The following SLC4A8 variants were observed in gnomAD, a reference collection of about 807,000 sequenced individuals.
SLC4A8 encodes the protein electroneutral sodium bicarbonate exchanger 1.
Under a neutral mutation model 125.0 loss-of-function variants are expected in SLC4A8, and 40 were observed. That is an observed-to-expected ratio of 0.32 (90% CI 0.25 to 0.42). The LOEUF (loss-of-function observed/expected upper bound fraction) is 0.42, where lower values mean the gene tolerates loss of function less well. SLC4A8 is among the 10% of genes least tolerant of loss of function. The pLI is 1.00. For synonymous variants in SLC4A8, 456 were observed against 476.0 expected (o/e 0.96, Z 0.55); for missense variants, 863 against 1,355.1 (o/e 0.64, Z 5.70).
At chr12:51,482,753 T>C (rs1212730021) in intron 16 of SLC4A8, among the ~76,000 whole-genome samples, 1 of 152,052 alleles carries the variant, frequency 6.6e-6, no homozygotes, top group East Asian at 1.9e-4. Context: ...ATACCATAGG[T>C]AGAAAAGGTA....
chr12:51,410,448 T>G (rs1948571015), intron 1 of SLC4A8, among the ~76,000 whole-genome samples: 1 of 152,070 alleles, frequency 6.6e-6, no homozygotes, highest in Non-Finnish European at 1.5e-5. Flanking sequence ...CATCTGGTGT[T>G]GAAATTAATC....
rs954046414 is a variant in SLC4A8 at position 51,397,079 on chromosome 12, G to A, written c.-112+5591G>A. Among the ~76,000 whole-genome samples, 400 of 152,000 alleles carry A rather than the reference G, an allele frequency of 2.6e-3. 1 individual carries two copies. The highest frequency in any genetic ancestry group is 9.3e-3 in the African/African-American group (384 of 41,440). On this transcript the variant is annotated intron_variant, in intron 1 of 24. Transcript: ENST00000358657. ...CGAGTAGCTGGGATTACAGGTGTGT[G>A]CCACCACACCCGGCTAATTTTTGTA...
intron 1 of SLC4A8, among the ~76,000 whole-genome samples, chr12:51,426,101 GC>G (rs1296242565): frequency 2.6e-5 from 4 of 152,160 alleles, no homozygotes; most frequent in African/African-American, 7.2e-5. Flanking sequence ...GGAAACAAGT[GC>G]CATGTTGACC....
chr12:51,474,033 CAAAACA>C (rs1024549179), intron 14 of SLC4A8, among the ~76,000 whole-genome samples: 1 of 99,952 alleles, frequency 1.0e-5, no homozygotes, highest in African/African-American at 3.7e-5. Context: ...AACAAAAAAA[CAAAACA>C]AAAACAAAAA....
rs752354356 is a variant in SLC4A8, at chr12:51,494,941, T to C, written c.2770-4T>C. On this transcript the variant is annotated splice_region_variant and splice_polypyrimidine_tract_variant and intron_variant, in intron 20 of 24. Coordinates refer to ENST00000453097, the MANE Select transcript of SLC4A8 (RefSeq NM_001039960.3). The stretch of plus-strand genomic sequence containing the variant: ...GAAAATAAATGCCAGTTCCTTCCTT[T>C]CAGTTCTTTGATCGTCTAAAGCTCT... 1 of 1,612,376 alleles carries C rather than the reference T, an allele frequency of 6.2e-7. No homozygotes were observed. Among genetic ancestry groups the C allele is most frequent in the Admixed American group, 1.7e-5 (1 of 59,886 alleles).
At chr12:51,468,075 A>G (rs1405738791) in intron 11 of SLC4A8, among the ~76,000 whole-genome samples, 3 of 151,916 alleles carry the variant, frequency 2.0e-5, no homozygotes, top group Non-Finnish European at 4.4e-5. Flanking sequence ...TTTCTATGCC[A>G]TTTATTGGTA....
intron 1 of SLC4A8, among the ~76,000 whole-genome samples, chr12:51,415,334 G>A (rs1948666905): frequency 6.6e-6 from 1 of 152,184 alleles, no homozygotes; most frequent in South Asian, 2.1e-4. Context: ...CTTCTTAAGT[G>A]TTTGATAGAA....
rs942508806 is a variant in SLC4A8, at chr12:51,513,738, C to G, written c.*6300C>G. 2 of 152,282 alleles carry G rather than the reference C, an allele frequency of 1.3e-5. No homozygotes were observed. The highest frequency in any genetic ancestry group is 2.9e-5 in the Non-Finnish European group (2 of 68,078). 9.4% of individuals were successfully genotyped at this position (152,282 alleles called of 1,614,324 possible). On this transcript the variant is annotated 3_prime_UTR_variant, in exon 25 of 25. Coordinates refer to ENST00000453097, the MANE Select transcript of SLC4A8 (RefSeq NM_001039960.3). ...AAAGTGCTGGGATTACAGGCTTGAG[C>G]TACTGCGCCCGGCCAGTGATTGGCT... is the stretch of plus-strand genomic sequence containing the variant.
intron 1 of SLC4A8, among the ~76,000 whole-genome samples, chr12:51,411,178 C>T (rs1948590849): frequency 6.7e-6 from 1 of 149,514 alleles, no homozygotes; most frequent in African/African-American, 2.5e-5. Flanking sequence ...TATGCTTTTT[C>T]TCCTTCCCTG....
intron 16 of SLC4A8, among the ~76,000 whole-genome samples, chr12:51,481,668 C>G (rs112224799): frequency 6.6e-6 from 1 of 152,052 alleles, no homozygotes; most frequent in African/African-American, 2.4e-5. Context: ...CTGGGCCAAG[C>G]ACAGTGGCTC....
chr12:51,438,646 G>A (rs950459826), intron 1 of SLC4A8, among the ~76,000 whole-genome samples: 8 of 152,148 alleles, frequency 5.3e-5, no homozygotes, highest in Non-Finnish European at 1.0e-4. Context: ...TAAATGCCCA[G>A]TAGTGAGATT....
At chr12:51,426,889 G>A (rs1949001019) in intron 1 of SLC4A8, among the ~76,000 whole-genome samples, 1 of 151,320 alleles carries the variant, frequency 6.6e-6, no homozygotes, top group South Asian at 2.1e-4. Context: ...AGAGAGAGAG[G>A]GCATGAGAGA....
intron 1 of SLC4A8, among the ~76,000 whole-genome samples, chr12:51,415,518 G>C (rs561350462): frequency 6.6e-6 from 1 of 152,126 alleles, no homozygotes; most frequent in Non-Finnish European, 1.5e-5. Context: ...TTTTCCAATT[G>C]TGAGCTTTAC....
intron 1 of SLC4A8, among the ~76,000 whole-genome samples, chr12:51,393,488 G>C (rs886112122): frequency 7.9e-5 from 12 of 152,196 alleles, no homozygotes; most frequent in African/African-American, 2.7e-4. Context: ...GGGAAAGGCA[G>C]GGAAGCCAGC....
chr12:51,464,834 A>G (rs970052274), intron 11 of SLC4A8, among the ~76,000 whole-genome samples: 7 of 152,172 alleles, frequency 4.6e-5, no homozygotes, highest in African/African-American at 1.7e-4. Flanking sequence ...CCAATCTTGG[A>G]AATTCAGGGA....
At chr12:51,400,909 C>T (rs898663370) in intron 1 of SLC4A8, among the ~76,000 whole-genome samples, 2 of 149,446 alleles carry the variant, frequency 1.3e-5, no homozygotes, top group African/African-American at 5.0e-5. Context: ...CAGGGTCTCA[C>T]TCTGTTGCCC....
rs1377403875 is a variant in SLC4A8, at chr12:51,509,170, A to G, written c.*1732A>G. The G allele has an allele frequency of 6.5e-6, 1 of 152,680 alleles. No homozygotes were observed. Among genetic ancestry groups the G allele is most frequent in the Non-Finnish European group, 1.5e-5 (1 of 68,056 alleles). The allele number at this position is 152,680 out of a possible 1,614,324, so 9.5% of individuals were successfully genotyped here. On this transcript the variant is annotated 3_prime_UTR_variant, in exon 25 of 25. Transcript: ENST00000453097. ...GCTGAACATTATGCTACTTTCAGAT[A>G]TTAAAATGGTGTTCCTTTGAATCGT...
At chr12:51,391,622 G>C (rs1416157368) in intron 1 of SLC4A8, 1 of 152,312 alleles carries the variant, frequency 6.6e-6, no homozygotes, top group Non-Finnish European at 1.5e-5. Context: ...AGGCAAAGCC[G>C]CAGCCGCGCC....
intron 5 of SLC4A8, among the ~76,000 whole-genome samples, chr12:51,456,856 T>C (rs953556328): frequency 1.8e-4 from 27 of 152,224 alleles, no homozygotes; most frequent in African/African-American, 5.5e-4. Context: ...ATTTTTCTTA[T>C]AGATTTCTCT....
Sources: allele counts gnomAD v4.1 joint callset (sites outside exome capture counted in the v4.1 genomes callset), GRCh38; gene constraint gnomAD v4.1.1; transcripts MANE v1.5; gene names NCBI Gene and HGNC (gene_info 2026-07-23, HGNC 2026-07-21).